Variants in MPDZ observed in about 807,000 individuals in gnomAD.
MPDZ encodes multiple PDZ domain crumbs cell polarity complex component, also known as multiple PDZ domain protein.
A neutral mutation model predicts 239.1 loss-of-function variants in MPDZ; 234 were observed. The ratio of observed to expected loss-of-function variants is 0.98; its 90% confidence interval spans 0.88 to 1.09. The LOEUF (loss-of-function observed/expected upper bound fraction) is 1.09, where lower values mean the gene tolerates loss of function less well. Ranked by LOEUF, MPDZ falls within the 50% of genes least tolerant of loss-of-function variation. The pLI is 0.00. For missense variants in MPDZ, 3,175 were observed against 2,510.0 expected (o/e 1.26, Z -5.66); for synonymous variants, 1,048 against 881.3 (o/e 1.19, Z -3.35).
intron 26 of MPDZ, 62 bp downstream of exon 26, chr9:13,147,486 A>T: frequency 8.0e-7 from 1 of 1,252,934 alleles, no homozygotes. Flanking sequence ...GGCCCTTGAT[A>T]CATTAGATTC....
chr9:13,189,055 T>C, intron 16 of MPDZ, 62 bp from the exon 17 acceptor site: 1 of 1,455,860 alleles, frequency 6.9e-7, no homozygotes, highest in Non-Finnish European at 9.4e-7. Context: ...CTACAGGTCG[T>C]CCACTCTAAA....
chr9:13,126,858 A>T lies in MPDZ; in HGVS notation c.4465-86T>A, dbSNP rs867980287. Reference sequence around the variant, plus strand: ...GATACCAAGGGTAAGAAAAACAACTAAAACTCTTCTGAAGTCCAGAAATCT... The same window carrying T: ...GATACCAAGGGTAAGAAAAACAACTTAAACTCTTCTGAAGTCCAGAAATCT... On this transcript the variant is annotated intron_variant, in intron 32 of 46. Transcript: ENST00000319217. 6.3e-6 allele frequency: 7 copies of T among 1,102,716 alleles called. No homozygotes were observed. In the Middle Eastern group the frequency reaches 1.4e-3, roughly 219 times the overall value. 68.3% of individuals were successfully genotyped at this position (1,102,716 alleles called of 1,614,324 possible). A position where few individuals can be genotyped will look rare whatever the true frequency, so the allele number is the denominator to read the frequency against.
chr9:13,201,560 T>G (rs1393519164), intron 12 of MPDZ, among the ~76,000 whole-genome samples: 1 of 152,020 alleles, frequency 6.6e-6, no homozygotes, highest in Non-Finnish European at 1.5e-5. Context: ...ACACAGAGGT[T>G]AGTTCACTTG....
intron 46 of MPDZ, among the ~76,000 whole-genome samples, chr9:13,108,370 C>T (rs1036645173): frequency 7.2e-5 from 11 of 152,070 alleles, no homozygotes; most frequent in Non-Finnish European, 1.2e-4. Context: ...TATAACTATA[C>T]AGTCTTTTTA....
At chr9:13,266,162 C>T (rs924134708) in intron 1 of MPDZ, among the ~76,000 whole-genome samples, 2 of 152,184 alleles carry the variant, frequency 1.3e-5, no homozygotes, top group Non-Finnish European at 2.9e-5. Flanking sequence ...ACCATCAGCG[C>T]CTCCTAAATT....
chr9:13,183,843 C>G (rs1422074123), intron 18 of MPDZ, among the ~76,000 whole-genome samples: 1 of 151,860 alleles, frequency 6.6e-6, no homozygotes, highest in Non-Finnish European at 1.5e-5. Flanking sequence ...AACAAAGGGC[C>G]TGGATGAAGT....
rs893650064 is a variant in MPDZ at position 13,110,441 on chromosome 9, T to A, written c.5829+195A>T. Among the ~76,000 whole-genome samples the A allele has an allele frequency of 2.6e-5, 4 of 152,182 alleles. 1 individual carries two copies. The stretch of plus-strand genomic sequence containing the variant: ...TCCCCTTAAAGTATAAAACAATCAA[T>A]GCATCAGAGTAAAATGTTACAAAAT... On this transcript the variant is annotated intron_variant, in intron 44 of 46. Coordinates refer to ENST00000319217, the MANE Select transcript of MPDZ (RefSeq NM_001378778.1).
chr9:13,253,529 G>A (rs982526793), intron 1 of MPDZ, among the ~76,000 whole-genome samples: 1 of 152,174 alleles, frequency 6.6e-6, no homozygotes, highest in East Asian at 1.9e-4. Flanking sequence ...TTGCAGCCAC[G>A]AATTCCTCTT....
At chr9:13,207,738 C>A (rs971479056) in intron 10 of MPDZ, among the ~76,000 whole-genome samples, 3 of 152,126 alleles carry the variant, frequency 2.0e-5, no homozygotes, top group South Asian at 2.1e-4. Flanking sequence ...CAAGGACAGG[C>A]TCTGTATCAT....
rs745854560 is a variant in MPDZ, at chr9:13,107,075, C to G, written c.6103G>C (p.Asp2035His). ...ASEDGRLKRG[D>H]QIIAVNGQSL... ...TGCCCATTGACAGCAATGATCTGATCGCCCCTTTTCAGACGTCCGTCTTCA... is the reference window on the plus strand; with the variant it reads ...TGCCCATTGACAGCAATGATCTGATGGCCCCTTTTCAGACGTCCGTCTTCA... Residue 2035 changes from aspartate (D) to histidine (H), a missense_variant, in exon 47 of 47, where the codon GAT becomes CAT. Transcript: ENST00000319217. 3 of 1,587,062 alleles carry G rather than the reference C, an allele frequency of 1.9e-6. No homozygotes were observed. Among genetic ancestry groups the G allele is most frequent in the Non-Finnish European group, 2.6e-6 (3 of 1,159,506 alleles).
chr9:13,279,295 C>T (rs1363567079), intron 1 of MPDZ, 105 bp downstream of exon 1: 1 of 139,772 alleles, frequency 7.2e-6, no homozygotes, highest in East Asian at 2.2e-4. Flanking sequence ...CCACCCCCAC[C>T]CCCAAGCGCC....
chr9:13,147,928 G>A (rs1412339116), intron 25 of MPDZ, among the ~76,000 whole-genome samples: 2 of 151,866 alleles, frequency 1.3e-5, no homozygotes, highest in Non-Finnish European at 2.9e-5. Flanking sequence ...TCCTTACATT[G>A]CTCAGCTGCT....
chr9:13,253,132 A>G (rs1411241636), intron 1 of MPDZ, among the ~76,000 whole-genome samples: 1 of 151,398 alleles, frequency 6.6e-6, no homozygotes, highest in Admixed American at 6.6e-5. Context: ...GCAGTTCCTA[A>G]TTGAGAAAAA....
intron 22 of MPDZ, among the ~76,000 whole-genome samples, chr9:13,164,817 C>A (rs574469873): frequency 6.6e-5 from 10 of 152,230 alleles, no homozygotes; most frequent in Non-Finnish European, 1.2e-4. Context: ...TCCCACAATG[C>A]AACAGAACAT....
At chr9:13,124,873 C>A (rs568612584) in intron 35 of MPDZ, among the ~76,000 whole-genome samples, 11 of 152,224 alleles carry the variant, frequency 7.2e-5, no homozygotes, top group Non-Finnish European at 1.3e-4. Flanking sequence ...ATTTCTAATT[C>A]ATTAGTTAGA....
intron 22 of MPDZ, among the ~76,000 whole-genome samples, chr9:13,165,089 A>T (rs1481299191): frequency 6.6e-6 from 1 of 152,194 alleles, no homozygotes; most frequent in African/African-American, 2.4e-5. Flanking sequence ...ACGTGCAGAC[A>T]GGATCGTTCC....
chr9:13,167,314 C>A (rs891879102), intron 22 of MPDZ, among the ~76,000 whole-genome samples: 2 of 151,884 alleles, frequency 1.3e-5, no homozygotes, highest in African/African-American at 2.4e-5. Flanking sequence ...CAACTGTAAA[C>A]AAAAGTCAAA....
chr9:13,261,450 CATCCAAAAAAAAAACCCTCT>C (rs1970669013), intron 1 of MPDZ, among the ~76,000 whole-genome samples: 1 of 151,618 alleles, frequency 6.6e-6, no homozygotes, highest in Non-Finnish European at 1.5e-5. Flanking sequence ...CATATCATTA[CATCCAAAAAAAAAACCCTCT>C]CAAATACCCT....
At chr9:13,140,798 A>C (rs1386856019) in intron 27 of MPDZ, 1 of 152,184 alleles carries the variant, frequency 6.6e-6, no homozygotes, top group African/African-American at 2.4e-5. Context: ...GTTGCCCTTC[A>C]AAGCTTATTA....
Sources: gnomAD v4.1 joint callset for allele counts (sites outside exome capture counted in the v4.1 genomes callset) on GRCh38, gnomAD v4.1.1 for gene constraint, MANE v1.5 for transcripts, NCBI Gene and HGNC (gene_info 2026-07-23, HGNC 2026-07-21) for gene names.